ZZZ3: variants seen among roughly 807,000 people sequenced by gnomAD.
The protein encoded by ZZZ3 is ZZ-type zinc finger-containing protein 3.
Under a neutral mutation model 95.2 loss-of-function variants are expected in ZZZ3, and 22 were observed. The ratio of observed to expected loss-of-function variants is 0.23; its 90% CI spans 0.17 to 0.33. The LOEUF is 0.33. ZZZ3 is among the 10% of genes least tolerant of loss of function. The probability of loss-of-function intolerance (pLI) is 1.00; values close to 1 mark genes in which losing one functional copy is unlikely to be tolerated. For missense variants in ZZZ3, 885 were observed against 1,066.5 expected, an observed-to-expected ratio of 0.83 and a Z score of 2.37; for synonymous variants, 335 against 358.9, an observed-to-expected ratio of 0.93 and a Z score of 0.75.
At chr1:77,626,677 C>T (rs954926724) in intron 5 of ZZZ3, among the ~76,000 whole-genome samples, 2 of 152,186 alleles carry the variant, frequency 1.3e-5, no homozygotes, top group South Asian at 2.1e-4. Context: ...TCCCATTAAT[C>T]TTTGTGCCAG....
chr1:77,621,126 A>G (rs1002149853), intron 5 of ZZZ3, among the ~76,000 whole-genome samples: 5 of 152,220 alleles, frequency 3.3e-5, no homozygotes, highest in Admixed American at 3.3e-4. Context: ...TTAACAATAT[A>G]GTGAGATTCT....
At chr1:77,584,755 T>G in intron 5 of ZZZ3, 100 bp from the exon 6 acceptor site, 1 of 912,206 alleles carries the variant, frequency 1.1e-6, no homozygotes, top group Non-Finnish European at 1.5e-6. Flanking sequence ...CACACAGTCT[T>G]TTAAGAGTTA....
intron 12 of ZZZ3, among the ~76,000 whole-genome samples, chr1:77,570,191 C>T (rs1661238128): frequency 6.6e-6 from 1 of 152,134 alleles, no homozygotes; most frequent in Non-Finnish European, 1.5e-5. Context: ...CAAACTCTGC[C>T]TTCTGGGTTC....
rs1663761913 is a variant in ZZZ3 at position 77,592,103 on chromosome 1, T to C, written c.1506-7448A>G. Among the ~76,000 whole-genome samples, 5 of 152,196 alleles carry C rather than the reference T, an allele frequency of 3.3e-5. No individual in the cohort carries two copies. In the South Asian group the frequency reaches 1.0e-3, roughly 32 times the overall value. On this transcript the variant is annotated intron_variant, in intron 5 of 14. Coordinates refer to ENST00000370801, the MANE Select transcript of ZZZ3 (RefSeq NM_015534.6). ...GACTGAGGAAAGAATACATATTTAC[T>C]GCCCCAAATTATATTAGCTGGGTGG...
At chr1:77,620,784 G>A (rs1666778817) in intron 5 of ZZZ3, among the ~76,000 whole-genome samples, 1 of 152,130 alleles carries the variant, frequency 6.6e-6, no homozygotes, top group Non-Finnish European at 1.5e-5. Flanking sequence ...ATCTAAGCTG[G>A]TGATAGGCAT....
Position 77,639,577 on chromosome 1 carries a change from A to G in ZZZ3, c.-180T>C. 1 of 752,994 alleles carries G rather than the reference A, an allele frequency of 1.3e-6. No homozygotes were observed. Among genetic ancestry groups the G allele is most frequent in the Non-Finnish European group, 2.0e-6 (1 of 512,412 alleles). 46.6% of individuals were successfully genotyped at this position (752,994 alleles called of 1,614,324 possible). On this transcript the variant is annotated 5_prime_UTR_variant, in exon 4 of 15. Transcript: ENST00000370801. Reference sequence around the variant, plus strand: ...CAGACTCTCTCAGCTTCAGCCATGAAGAATACTAGAACCTCCTAAATTTTT... The same window carrying G: ...CAGACTCTCTCAGCTTCAGCCATGAGGAATACTAGAACCTCCTAAATTTTT...
rs1668782137 is a variant in ZZZ3 at position 77,641,603 on chromosome 1, C to T, written c.-350G>A. On this transcript the variant is annotated 5_prime_UTR_variant, in exon 2 of 15. It adds an upstream start codon to the 5' untranslated region. Coordinates refer to ENST00000370801, the MANE Select transcript of ZZZ3 (RefSeq NM_015534.6). ...ATCACTGTTAATTGTCCATGTTACA[C>T]TGAGACTTCAGGTATTATTTATTTA... 5.0e-6 allele frequency: 2 copies of T among 398,174 alleles called. No individual in the cohort carries two copies. The highest frequency in any genetic ancestry group is 8.9e-6 in the Non-Finnish European group (2 of 225,834). The allele number at this position is 398,174 out of a possible 1,614,324, so 24.7% of individuals were successfully genotyped here.
At chr1:77,645,629 A>T (rs2100930144) in intron 1 of ZZZ3, 1 of 152,310 alleles carries the variant, frequency 6.6e-6, no homozygotes, top group South Asian at 2.1e-4. Context: ...TAAAAACAAA[A>T]TGAGAAGAAA....
intron 1 of ZZZ3, among the ~76,000 whole-genome samples, chr1:77,678,052 A>G (rs1672425317): frequency 6.6e-6 from 1 of 152,132 alleles, no homozygotes; most frequent in Non-Finnish European, 1.5e-5. Flanking sequence ...CAATGAAAAA[A>G]ACTCACTACA....
intron 1 of ZZZ3, among the ~76,000 whole-genome samples, chr1:77,667,196 A>G (rs1033165338): frequency 1.3e-5 from 2 of 152,212 alleles, no homozygotes; most frequent in African/African-American, 4.8e-5. Flanking sequence ...TTATTTTAGA[A>G]AAGCAAACAC....
At chr1:77,649,709 C>A (rs966859067) in intron 1 of ZZZ3, among the ~76,000 whole-genome samples, 2 of 151,874 alleles carry the variant, frequency 1.3e-5, no homozygotes, top group East Asian at 1.9e-4. Flanking sequence ...ATGGAGAAAC[C>A]CCATCTCTAC....
At chr1:77,619,783 T>C (rs1441051122) in intron 5 of ZZZ3, among the ~76,000 whole-genome samples, 1 of 152,146 alleles carries the variant, frequency 6.6e-6, no homozygotes, top group Non-Finnish European at 1.5e-5. Context: ...TGAGTTAAAT[T>C]AACCATATGA....
intron 1 of ZZZ3, among the ~76,000 whole-genome samples, chr1:77,658,201 A>C (rs867222492): frequency 0.019 from 2,709 of 144,940 alleles, 88 homozygotes; most frequent in African/African-American, 0.065. Context: ...AAAAAAAAAA[A>C]ACACAACATA....
intron 12 of ZZZ3, among the ~76,000 whole-genome samples, chr1:77,573,246 A>C (rs539571991): frequency 6.6e-6 from 1 of 151,678 alleles, no homozygotes; most frequent in South Asian, 2.1e-4. Flanking sequence ...CAGCCTCCTG[A>C]GTAGCTGAGA....
chr1:77,672,429 T>C (rs909388640), intron 1 of ZZZ3, among the ~76,000 whole-genome samples: 6 of 152,228 alleles, frequency 3.9e-5, no homozygotes, highest in Admixed American at 1.3e-4. Context: ...TTGAGAACTA[T>C]TGATCAAAGG....
At chr1:77,672,794 T>G (rs1671902261) in intron 1 of ZZZ3, among the ~76,000 whole-genome samples, 1 of 152,198 alleles carries the variant, frequency 6.6e-6, no homozygotes, top group African/African-American at 2.4e-5. Context: ...AGAACAGCAT[T>G]TATTCAAATT....
chr1:77,605,972 T>G (rs1466433957), intron 5 of ZZZ3, among the ~76,000 whole-genome samples: 1 of 151,900 alleles, frequency 6.6e-6, no homozygotes, highest in Non-Finnish European at 1.5e-5. Context: ...AAAAGCAAAG[T>G]GGACTTTGTC....
chr1:77,596,445 T>C (rs1047963763), intron 5 of ZZZ3, among the ~76,000 whole-genome samples: 4 of 152,118 alleles, frequency 2.6e-5, no homozygotes, highest in African/African-American at 9.7e-5. Flanking sequence ...CACTGCAATG[T>C]TGGGTATATA....
intron 1 of ZZZ3, among the ~76,000 whole-genome samples, chr1:77,650,095 T>C (rs533013442): frequency 6.6e-6 from 1 of 151,980 alleles, no homozygotes; most frequent in Non-Finnish European, 1.5e-5. Flanking sequence ...GTATAAATCT[T>C]AAAACCACCA....
Sources: gnomAD v4.1 joint callset for allele counts (sites outside exome capture counted in the v4.1 genomes callset) on GRCh38, gnomAD v4.1.1 for gene constraint, MANE v1.5 for transcripts, NCBI Gene and HGNC (gene_info 2026-07-23, HGNC 2026-07-21) for gene names.